POLI: variants seen among roughly 807,000 people sequenced by gnomAD.
POLI encodes DNA polymerase iota.
Under a neutral mutation model 51.6 loss-of-function variants are expected in POLI, and 58 were observed. That is an observed-to-expected ratio of 1.12 (90% CI 0.91 to 1.40). The LOEUF is 1.40. Among genes scored for constraint, POLI ranks in the 40% most tolerant of loss-of-function variants. The pLI is 0.00. For missense variants in POLI, 921 were observed against 871.3 expected (o/e 1.06, Z -0.72); for synonymous variants, 322 against 299.7 (o/e 1.07, Z -0.77).
At chr18:54,298,588 C>CTTTT (rs145052748), downstream of POLI, among the ~76,000 whole-genome samples, 134 of 114,896 alleles carry the variant, frequency 1.2e-3, 1 homozygote, top group Middle Eastern at 4.8e-3. Flanking sequence ...ACTACAGAAT[C>CTTTT]TTTTTTTTTT....
chr18:54,312,249 C>T (rs899440811), intron 3 of POLI, among the ~76,000 whole-genome samples: 1 of 152,106 alleles, frequency 6.6e-6, no homozygotes, highest in East Asian at 1.9e-4. Flanking sequence ...TAATGGTTTC[C>T]AGTGGCATCC....
rs747751817 is a variant in POLI at position 54,291,864 on chromosome 18, T to A, written c.1230T>A (p.Asp410Glu). The A allele has an allele frequency of 6.3e-7, 1 of 1,596,048 alleles. No individual in the cohort carries two copies. ...GNYDVMTPMV[D>E]ILMKLFRNMV... ...ATGATGTGATGACCCCAATGGTTGA[T>A]ATACTTATGAAACTTTTTCGAAATA... Residue 410 changes from aspartate to glutamate, a missense_variant, in exon 9 of 10, where the codon GAT (aspartate) becomes GAA (glutamate). Physicochemically the swap from Asp to Glu is conservative, Grantham distance 45 (BLOSUM62 2). Coordinates refer to ENST00000579534, the MANE Select transcript of POLI (RefSeq NM_007195.3).
intron 3 of POLI, 122 bp downstream of exon 3, chr18:54,274,212 T>C: frequency 2.2e-6 from 1 of 458,182 alleles, no homozygotes; most frequent in Non-Finnish European, 3.7e-6. Flanking sequence ...AATAACTTCT[T>C]ATTTTGGGTC....
chr18:54,292,786 C>T (rs985074568), intron 9 of POLI, among the ~76,000 whole-genome samples: 5 of 152,018 alleles, frequency 3.3e-5, no homozygotes, highest in African/African-American at 1.2e-4. Flanking sequence ...AATTAATGCT[C>T]TCTTCAAATT....
Position 54,297,817 on chromosome 18 carries a change from T to A in POLI, c.*3350T>A, listed in dbSNP as rs928079043. On this transcript the variant is annotated 3_prime_UTR_variant, in exon 10 of 10. Coordinates refer to ENST00000579534, the MANE Select transcript of POLI (RefSeq NM_007195.3). ...CTTTATTAAATCTCCAAATTGGATA[T>A]TATTAGTATTTTATATAGTCAATGT... 8 of 961,280 alleles carry A rather than the reference T, an allele frequency of 8.3e-6. No homozygotes were observed. The South Asian group carries it at 1.9e-4, about 23-fold the overall frequency. 59.5% of individuals were successfully genotyped at this position (961,280 alleles called of 1,614,324 possible).
intron 3 of POLI, among the ~76,000 whole-genome samples, chr18:54,316,586 T>C (rs2088736566): frequency 1.3e-5 from 2 of 152,124 alleles, no homozygotes; most frequent in Admixed American, 6.6e-5. Context: ...CAGTAATAGA[T>C]AATAGCTATA....
intron 1 of POLI, chr18:54,271,157 A>G: frequency 5.8e-6 from 2 of 347,400 alleles, no homozygotes; most frequent in Non-Finnish European, 9.5e-6. Flanking sequence ...CGCAGTGCAC[A>G]AACAGTAATT....
intron 3 of POLI, among the ~76,000 whole-genome samples, chr18:54,309,370 TG>T (rs2088635690): frequency 6.6e-6 from 1 of 152,192 alleles, no homozygotes; most frequent in African/African-American, 2.4e-5. Flanking sequence ...TGGAGTTTGC[TG>T]GGGGTCCACT....
chr18:54,304,395 T>C (rs1307683972), intron 3 of POLI, among the ~76,000 whole-genome samples: 1 of 152,246 alleles, frequency 6.6e-6, no homozygotes, highest in African/African-American at 2.4e-5. Flanking sequence ...AAAGCGTTCC[T>C]ATTTCTCCAC....
At chr18:54,273,850 T>C (rs2087118262) in intron 2 of POLI, 76 bp from the exon 3 acceptor site, 3 of 774,040 alleles carry the variant, frequency 3.9e-6, no homozygotes, top group Non-Finnish European at 5.6e-6. Flanking sequence ...TTTAGACAAA[T>C]GTAATACGGA....
Position 54,269,647 on chromosome 18 carries a change from C to T in POLI, c.101C>T (p.Ala34Val), listed in dbSNP as rs1466610116. ...ATGGAACTGGCGGACGTGGGGGCGG[C>T]AGCCAGCTCGCAGGGTGCGCCGCAG... ...WAMELADVGA[A>V]ASSQGVHDQV... Residue 34 changes from alanine to valine, a missense_variant, in exon 1 of 10, where the codon GCA becomes GTA. Coordinates refer to ENST00000579534, the MANE Select transcript of POLI (RefSeq NM_007195.3). 8 of 1,507,980 alleles carry T rather than the reference C, an allele frequency of 5.3e-6. No homozygotes were observed. Among genetic ancestry groups the T allele is most frequent in the Middle Eastern group, 1.9e-4 (1 of 5,176 alleles). 93.4% of individuals were successfully genotyped at this position (1,507,980 alleles called of 1,614,324 possible).
intron 8 of POLI, 25 bp from the exon 9 acceptor site, chr18:54,291,808 G>T: frequency 2.7e-6 from 3 of 1,113,284 alleles, no homozygotes; most frequent in Non-Finnish European, 4.0e-6. Flanking sequence ...TAATTATAAT[G>T]TTTATTCTTA....
At position 54,295,201 on chromosome 18, in the gene POLI, T is replaced by G. The variant is rs2088259368; in HGVS notation, c.*734T>G. 1 of 985,314 alleles carries G rather than the reference T, an allele frequency of 1.0e-6. No individual in the cohort carries two copies. The highest frequency in any genetic ancestry group is 4.7e-5 in the South Asian group (1 of 21,290). 61.0% of individuals were successfully genotyped at this position (985,314 alleles called of 1,614,324 possible). On this transcript the variant is annotated 3_prime_UTR_variant, in exon 10 of 10. Coordinates refer to ENST00000579534, the MANE Select transcript of POLI (RefSeq NM_007195.3). ...CCAGAAAGGCAAGGTGATGGGCCTATAAGCATACTGGATAATGGAAGAAGT... is the reference window on the plus strand; with the variant it reads ...CCAGAAAGGCAAGGTGATGGGCCTAGAAGCATACTGGATAATGGAAGAAGT...
chr18:54,291,315 C>G (rs1024418863), intron 8 of POLI: 1 of 152,362 alleles, frequency 6.6e-6, no homozygotes, highest in Non-Finnish European at 1.5e-5. Context: ...GCTCATTTTA[C>G]TGGCAACACT....
intron 3 of POLI, among the ~76,000 whole-genome samples, chr18:54,319,874 GAA>G (rs2088773382): frequency 1.3e-5 from 2 of 152,072 alleles, no homozygotes; most frequent in Admixed American, 6.6e-5. Context: ...GTAAGACAAA[GAA>G]AAAACTTATG....
chr18:54,298,415 A>G (rs776599947), downstream of POLI, among the ~76,000 whole-genome samples: 1 of 152,004 alleles, frequency 6.6e-6, no homozygotes, highest in Non-Finnish European at 1.5e-5. Flanking sequence ...ATCCTAAATC[A>G]TCTTTTTAGC....
At chr18:54,301,292 A>C (rs2144629527), downstream of POLI, among the ~76,000 whole-genome samples, 1 of 152,152 alleles carries the variant, frequency 6.6e-6, no homozygotes, top group South Asian at 2.1e-4. Flanking sequence ...ACACACACAC[A>C]CAAAGATTTG....
At chr18:54,281,132 A>G (rs1018258437) in intron 5 of POLI, among the ~76,000 whole-genome samples, 26 of 152,140 alleles carry the variant, frequency 1.7e-4, no homozygotes, top group African/African-American at 6.0e-4. Flanking sequence ...TATTTTATCT[A>G]CTTTTGTATG....
intron 1 of POLI, chr18:54,270,222 G>A (rs1164074120): frequency 5.6e-6 from 1 of 179,120 alleles, no homozygotes; most frequent in Non-Finnish European, 1.1e-5. Context: ...CATTAATTTA[G>A]AGACAAGGTC....
Sources: allele counts gnomAD v4.1 joint callset (sites outside exome capture counted in the v4.1 genomes callset), GRCh38; gene constraint gnomAD v4.1.1; transcripts MANE v1.5; gene names NCBI Gene and HGNC (gene_info 2026-07-23, HGNC 2026-07-21).